GRID2: variants seen among roughly 807,000 people sequenced by gnomAD.
GRID2 encodes glutamate receptor ionotropic, delta-2.
Under a neutral mutation model 114.8 loss-of-function variants are expected in GRID2, and 33 were observed. The ratio of observed to expected loss-of-function variants is 0.29; its 90% confidence interval spans 0.22 to 0.38. The LOEUF (loss-of-function observed/expected upper bound fraction) is 0.38, where lower values mean the gene tolerates loss of function less well. GRID2 is among the 10% of genes least tolerant of loss of function. The probability of loss-of-function intolerance (pLI) is 1.00; values close to 1 mark genes in which losing one functional copy is unlikely to be tolerated. For synonymous variants in GRID2, 505 were observed against 449.9 expected (o/e 1.12, Z -1.55); for missense variants, 1,184 against 1,257.7 (o/e 0.94, Z 0.89).
intron 1 of GRID2, among the ~76,000 whole-genome samples, chr4:92,406,296 A>G (rs527951123): frequency 6.6e-6 from 1 of 152,336 alleles, no homozygotes; most frequent in African/African-American, 2.4e-5. Context: ...TTAAAATTAT[A>G]AAATCTCATT....
At chr4:92,740,263 C>G (rs1391876062) in intron 2 of GRID2, among the ~76,000 whole-genome samples, 1 of 152,196 alleles carries the variant, frequency 6.6e-6, no homozygotes, top group Non-Finnish European at 1.5e-5. Context: ...CTGTGTGTCA[C>G]AAGGACTGAA....
At chr4:92,706,827 A>G (rs899050702) in intron 2 of GRID2, among the ~76,000 whole-genome samples, 5 of 152,184 alleles carry the variant, frequency 3.3e-5, no homozygotes, top group Admixed American at 2.6e-4. Flanking sequence ...AATTACAACT[A>G]CTGTCTAAAG....
rs76623506 is a variant in GRID2 at position 93,747,665 on chromosome 4, C to A, written c.2361-21545C>A. ...AAAACTGTTGTACATATCTATTGTTCAAGTAGGGAATAATATGTAAAATGT... is the reference window on the plus strand; with the variant it reads ...AAAACTGTTGTACATATCTATTGTTAAAGTAGGGAATAATATGTAAAATGT... On this transcript the variant is annotated intron_variant, in intron 14 of 15. Coordinates refer to ENST00000282020, the MANE Select transcript of GRID2 (RefSeq NM_001510.4). Among the ~76,000 whole-genome samples the A allele has an allele frequency of 5.3e-4, 81 of 151,974 alleles. 3 individuals are homozygous for A. The East Asian group carries it at 0.015, about 29-fold the overall frequency.
chr4:93,362,142 A>C (rs1761939475), intron 8 of GRID2, among the ~76,000 whole-genome samples: 1 of 152,150 alleles, frequency 6.6e-6, no homozygotes. Flanking sequence ...TCTTATGCTT[A>C]GGTTAGGTGT....
chr4:92,617,715 TACA>T (rs1375530435), intron 2 of GRID2, among the ~76,000 whole-genome samples: 1 of 151,774 alleles, frequency 6.6e-6, no homozygotes, highest in Non-Finnish European at 1.5e-5. Context: ...TACAGTATGA[TACA>T]ACATCATTAT....
intron 1 of GRID2, among the ~76,000 whole-genome samples, chr4:92,309,067 T>A (rs561753368): frequency 6.6e-6 from 1 of 152,050 alleles, no homozygotes; most frequent in East Asian, 1.9e-4. Flanking sequence ...CTTTGCTTTC[T>A]ACGCCAGGTG....
intron 4 of GRID2, among the ~76,000 whole-genome samples, chr4:93,149,966 A>C (rs1234767309): frequency 6.6e-6 from 1 of 152,122 alleles, no homozygotes; most frequent in Non-Finnish European, 1.5e-5. Context: ...TCACAAAGAT[A>C]GTCTTCAAAT....
intron 1 of GRID2, among the ~76,000 whole-genome samples, chr4:92,460,700 G>A (rs1721452483): frequency 6.6e-6 from 1 of 152,000 alleles, no homozygotes; most frequent in Non-Finnish European, 1.5e-5. Context: ...TTTGATGAAG[G>A]CATTTAACTC....
intron 9 of GRID2, among the ~76,000 whole-genome samples, chr4:93,398,682 A>G (rs1195027697): frequency 6.8e-6 from 1 of 147,676 alleles, no homozygotes; most frequent in Non-Finnish European, 1.5e-5. Flanking sequence ...AATAATCTCT[A>G]TTTCCTGCAA....
At chr4:93,030,072 A>G (rs573967201) in intron 2 of GRID2, among the ~76,000 whole-genome samples, 2 of 152,280 alleles carry the variant, frequency 1.3e-5, no homozygotes, top group African/African-American at 4.8e-5. Context: ...TACATATGTA[A>G]TACTATTACT....
chr4:92,436,123 A>G (rs916037180), intron 1 of GRID2, among the ~76,000 whole-genome samples: 1 of 152,162 alleles, frequency 6.6e-6, no homozygotes. Flanking sequence ...CCTACATGCT[A>G]TGAAAGTGTA....
chr4:92,475,192 T>TAA (rs147234342), intron 1 of GRID2, among the ~76,000 whole-genome samples: 2 of 148,586 alleles, frequency 1.3e-5, no homozygotes, highest in African/African-American at 4.9e-5. Flanking sequence ...ATTTGCCTTT[T>TAA]AAAAAAAAAA....
Position 93,515,759 on chromosome 4 carries a change from T to C in GRID2, c.2193+348T>C, listed in dbSNP as rs143859201. 7.4e-3 allele frequency among the ~76,000 whole-genome samples: 1,120 copies of C among 152,296 alleles called. 10 individuals carry two copies. Among genetic ancestry groups the C allele is most frequent in the South Asian group, 0.017 (82 of 4,830 alleles). The stretch of plus-strand genomic sequence containing the variant: ...ATTCAAGTTATCTGATTCTTTTAAA[T>C]GACTCAGGGTATTTTCTACACTACA... On this transcript the variant is annotated intron_variant, in intron 13 of 15. Transcript: ENST00000282020.
chr4:92,813,385 C>T (rs968598010), intron 2 of GRID2, among the ~76,000 whole-genome samples: 13 of 152,182 alleles, frequency 8.5e-5, no homozygotes, highest in East Asian at 1.9e-4. Context: ...GCTATACAGG[C>T]GCTTAATTTC....
At chr4:93,085,370 CATT>C in intron 3 of GRID2, 91 bp downstream of exon 3, 1 of 967,220 alleles carries the variant, frequency 1.0e-6, no homozygotes, top group Non-Finnish European at 1.6e-6. Flanking sequence ...GGGTCTTACT[CATT>C]GTTATTTGTG....
chr4:93,780,650 A>C (rs1398822048), intron 1 of GRID2, among the ~76,000 whole-genome samples: 1 of 152,164 alleles, frequency 6.6e-6, no homozygotes, highest in Non-Finnish European at 1.5e-5. Context: ...AGAGTGCAAT[A>C]GGAAAGTGGT....
At chr4:92,395,382 T>G (rs934012368) in intron 1 of GRID2, among the ~76,000 whole-genome samples, 1 of 151,666 alleles carries the variant, frequency 6.6e-6, no homozygotes, top group African/African-American at 2.4e-5. Context: ...AATATTATTT[T>G]TACAGCCTTT....
intron 13 of GRID2, among the ~76,000 whole-genome samples, chr4:93,615,355 C>G (rs749988541): frequency 6.6e-5 from 10 of 152,116 alleles, no homozygotes; most frequent in Non-Finnish European, 7.3e-5. Context: ...AGTGAAATCT[C>G]TCTTAGGAAA....
chr4:93,519,939 C>T lies in GRID2; in HGVS notation c.2193+4528C>T, dbSNP rs559280066. Among the ~76,000 whole-genome samples, 4 of 152,250 alleles carry T rather than the reference C, an allele frequency of 2.6e-5. No individual in the cohort carries two copies. The South Asian group carries it at 6.2e-4, about 24-fold the overall frequency. ...GGGCATCAGGGCTGCAACCAAGCCA[C>T]TGGACTTCAGGGCCTAGCTCTAATC... On this transcript the variant is annotated intron_variant, in intron 13 of 15. Transcript: ENST00000282020.
Sources: gnomAD v4.1 joint callset for allele counts (sites outside exome capture counted in the v4.1 genomes callset) on GRCh38, gnomAD v4.1.1 for gene constraint, MANE v1.5 for transcripts, NCBI Gene and HGNC (gene_info 2026-07-23, HGNC 2026-07-21) for gene names.